BRIP1: variants seen among roughly 807,000 people sequenced by gnomAD.
The protein encoded by BRIP1 is Fanconi anemia group J protein.
Under a neutral mutation model 119.7 loss-of-function variants are expected in BRIP1, and 88 were observed. That is an observed-to-expected ratio of 0.74 (90% confidence interval 0.62 to 0.88). The LOEUF is 0.88. Among genes scored for constraint, BRIP1 ranks in the 40% least tolerant of loss-of-function variants. The probability of loss-of-function intolerance (pLI) is 0.00; values close to 1 mark genes in which losing one functional copy is unlikely to be tolerated. For missense variants in BRIP1, 1,259 were observed against 1,455.4 expected (o/e 0.87, Z 2.20); for synonymous variants, 443 against 496.5 (o/e 0.89, Z 1.43).
At chr17:61,737,573 T>C (rs578168793) in intron 16 of BRIP1, among the ~76,000 whole-genome samples, 1 of 152,304 alleles carries the variant, frequency 6.6e-6, no homozygotes, top group East Asian at 1.9e-4. Flanking sequence ...ACTTAACTTT[T>C]ATATTCCATA....
rs1485289681 is a variant in BRIP1 at position 61,762,108 on chromosome 17, G to T, written c.2097+14293C>A. 6.6e-6 allele frequency among the ~76,000 whole-genome samples: 1 copy of T among 151,874 alleles called. No individual in the cohort carries two copies. The highest frequency in any genetic ancestry group is 1.5e-5 in the Non-Finnish European group (1 of 67,918). On this transcript the variant is annotated intron_variant, in intron 14 of 19. Coordinates refer to ENST00000259008, the MANE Select transcript of BRIP1 (RefSeq NM_032043.3). This position sits in a 1 kb window ranked among gnomAD's most constrained non-coding sequence, Gnocchi z 4.3. ...AGCACAGAAAGAAACCCATGTATGT[G>T]CTCAACTGATTTTCAACAAAGGTGC...
At position 61,752,308 on chromosome 17, in the gene BRIP1, T is replaced by C. The variant is rs989160707; in HGVS notation, c.2098-7717A>G. Among the ~76,000 whole-genome samples, 1 of 152,088 alleles carries C rather than the reference T, an allele frequency of 6.6e-6. No individual in the cohort carries two copies. Among genetic ancestry groups the C allele is most frequent in the Non-Finnish European group, 1.5e-5 (1 of 68,006 alleles). On this transcript the variant is annotated intron_variant, in intron 14 of 19. Transcript: ENST00000259008. The surrounding 1 kb of genome is among the most constrained non-coding windows in gnomAD (Gnocchi z 6.2). ...TACTAATATAGTAATCCAGAGATGG[T>C]GGTAGCTTGAATTAGAAAGAGTTAA...
Position 61,769,997 on chromosome 17 carries a change from G to T in BRIP1, c.2097+6404C>A, listed in dbSNP as rs946824493. 6.6e-6 allele frequency among the ~76,000 whole-genome samples: 1 copy of T among 152,092 alleles called. No homozygotes were observed. Among genetic ancestry groups the T allele is most frequent in the Non-Finnish European group, 1.5e-5 (1 of 68,014 alleles). On this transcript the variant is annotated intron_variant, in intron 14 of 19. Coordinates refer to ENST00000259008, the MANE Select transcript of BRIP1 (RefSeq NM_032043.3). This position sits in a 1 kb window ranked among gnomAD's most constrained non-coding sequence, Gnocchi z 4.9. ...AGCCAAGAAAAACCCTACTGTTTCG[G>T]GCAGGAGGAGGGAAAAAAACAACCA...
chr17:61,711,959 G>A (rs1325340998), intron 17 of BRIP1, among the ~76,000 whole-genome samples: 1 of 151,908 alleles, frequency 6.6e-6, no homozygotes, highest in East Asian at 1.9e-4. Flanking sequence ...AAATCTAGTT[G>A]TTGTAGTCTT....
chr17:61,683,124 CTG>C lies in BRIP1; in HGVS notation c.*170_*171del. ...CCAGCCTGGGCAACAGACCAAGACT[CTG>C]TCTCAAAAAAAAAAACCCAAAAACT... On this transcript the variant is annotated 3_prime_UTR_variant, in exon 20 of 20. Coordinates refer to ENST00000259008, the MANE Select transcript of BRIP1 (RefSeq NM_032043.3). The surrounding 1 kb of genome is among the most constrained non-coding windows in gnomAD (Gnocchi z 4.7). 7 of 758,286 alleles carry C rather than the reference CTG, an allele frequency of 9.2e-6. No individual in the cohort carries two copies. The highest frequency in any genetic ancestry group is 1.8e-5 in the African/African-American group (1 of 55,342). The allele number at this position is 758,286 out of a possible 1,614,324, so 47.0% of individuals were successfully genotyped here.
chr17:61,853,080 T>C lies in BRIP1; in HGVS notation c.380-3824A>G, dbSNP rs1276405021. ...ACAATACTGAAAACAACCCAATGCC[T>C]AACAACTGTAGAACAGATTAATAAA... On this transcript the variant is annotated intron_variant, in intron 4 of 19. Transcript: ENST00000259008. The surrounding 1 kb of genome is among the most constrained non-coding windows in gnomAD (Gnocchi z 4.3). 6.6e-6 allele frequency among the ~76,000 whole-genome samples: 1 copy of C among 152,144 alleles called. No individual in the cohort carries two copies. The highest frequency in any genetic ancestry group is 2.4e-5 in the African/African-American group (1 of 41,434).
Position 61,759,888 on chromosome 17 carries a change from G to GAAA in BRIP1, c.2098-15300_2098-15298dup, listed in dbSNP as rs34241703. 7.2e-6 allele frequency among the ~76,000 whole-genome samples: 1 copy of GAAA among 139,404 alleles called. No homozygotes were observed. Among genetic ancestry groups the GAAA allele is most frequent in the Non-Finnish European group, 1.6e-5 (1 of 64,020 alleles). 91.5% of individuals were successfully genotyped at this position (139,404 alleles called of 152,430 possible). ...GGGTTGCCACAAACCTTTAATTTAT[G>GAAA]AAAAAAAAAAAACCCAGAATATTTG... On this transcript the variant is annotated intron_variant, in intron 14 of 19. Coordinates refer to ENST00000259008, the MANE Select transcript of BRIP1 (RefSeq NM_032043.3). The surrounding 1 kb of genome is among the most constrained non-coding windows in gnomAD (Gnocchi z 4.9).
At position 61,693,371 on chromosome 17, in the gene BRIP1, C is replaced by G; in HGVS notation, c.2575+59G>C. ...AGAGCTCATGTTATGTGTTTTTCACCACAATAAAAATATGAAGATTGTTAC... is the reference window on the plus strand; with the variant it reads ...AGAGCTCATGTTATGTGTTTTTCACGACAATAAAAATATGAAGATTGTTAC... On this transcript the variant is annotated intron_variant, in intron 18 of 19. Transcript: ENST00000259008. This position sits in a 1 kb window ranked among gnomAD's most constrained non-coding sequence, Gnocchi z 4.2. 1 of 1,447,894 alleles carries G rather than the reference C, an allele frequency of 6.9e-7. No individual in the cohort carries two copies. Among genetic ancestry groups the G allele is most frequent in the East Asian group, 2.3e-5 (1 of 43,970 alleles). 89.7% of individuals were successfully genotyped at this position (1,447,894 alleles called of 1,614,324 possible).
intron 16 of BRIP1, among the ~76,000 whole-genome samples, chr17:61,723,991 G>C (rs187426919): frequency 1.6e-4 from 25 of 152,134 alleles, no homozygotes; most frequent in Admixed American, 1.6e-3. Context: ...AGCTGCTTGA[G>C]TTTGCAACCC....
At chr17:61,787,182 ATATAT>A (rs1393954406) in intron 10 of BRIP1, among the ~76,000 whole-genome samples, 23 of 92,160 alleles carry the variant, frequency 2.5e-4, no homozygotes, top group South Asian at 2.0e-3. Context: ...ATATATAAAA[ATATAT>A]TATATACTAT....
intron 14 of BRIP1, among the ~76,000 whole-genome samples, chr17:61,766,622 A>C (rs1193011567): frequency 6.6e-6 from 1 of 152,224 alleles, no homozygotes. Context: ...CTTAACATAC[A>C]AATTTAGTGC....
At position 61,853,397 on chromosome 17, in the gene BRIP1, TA is replaced by T. The variant is rs1272835807; in HGVS notation, c.379+3660del. Among the ~76,000 whole-genome samples the T allele has an allele frequency of 2.6e-5, 4 of 151,978 alleles. No individual in the cohort carries two copies. In the East Asian group the frequency reaches 5.8e-4, roughly 22 times the overall value. On this transcript the variant is annotated intron_variant, in intron 4 of 19. Coordinates refer to ENST00000259008, the MANE Select transcript of BRIP1 (RefSeq NM_032043.3). This position sits in a 1 kb window ranked among gnomAD's most constrained non-coding sequence, Gnocchi z 4.3. ...TGGTAATGTCTCTCTCTTTTTTTTT[TA>T]ATCTATGTAGTAGTTATGACAGTGA...
At chr17:61,837,737 T>C (rs927733712) in intron 6 of BRIP1, among the ~76,000 whole-genome samples, 1 of 152,154 alleles carries the variant, frequency 6.6e-6, no homozygotes, top group African/African-American at 2.4e-5. Context: ...ATTTTGACCA[T>C]GTGGAGACAG....
rs2061999195 is a variant in BRIP1, at chr17:61,722,606, T to C, written c.2380-6543A>G. ...AAGTTGACATCTACTTTGTCAGACA[T>C]AATAGCTTATGTGTTTTCAAAATTT... On this transcript the variant is annotated intron_variant, in intron 16 of 19. Coordinates refer to ENST00000259008, the MANE Select transcript of BRIP1 (RefSeq NM_032043.3). This position sits in a 1 kb window ranked among gnomAD's most constrained non-coding sequence, Gnocchi z 4.6. 6.6e-6 allele frequency among the ~76,000 whole-genome samples: 1 copy of C among 152,212 alleles called. No individual in the cohort carries two copies. The highest frequency in any genetic ancestry group is 2.1e-4 in the South Asian group (1 of 4,834).
chr17:61,782,107 C>G (rs1398395411), intron 11 of BRIP1, among the ~76,000 whole-genome samples: 1 of 151,688 alleles, frequency 6.6e-6, no homozygotes, highest in Non-Finnish European at 1.5e-5. Flanking sequence ...AAGGGGAGAC[C>G]GGGTGCGATG....
Position 61,825,649 on chromosome 17 carries a change from A to G in BRIP1, c.628-16892T>C, listed in dbSNP as rs1043386101. ...AATAAATAAATAAATAAATAAATAA[A>G]TAAATAAATAAATAAATAAAATAAC... is the stretch of plus-strand genomic sequence containing the variant. On this transcript the variant is annotated intron_variant, in intron 6 of 19. Coordinates refer to ENST00000259008, the MANE Select transcript of BRIP1 (RefSeq NM_032043.3). This position sits in a 1 kb window ranked among gnomAD's most constrained non-coding sequence, Gnocchi z 4.1. Among the ~76,000 whole-genome samples the G allele has an allele frequency of 2.0e-5, 3 of 150,766 alleles. No homozygotes were observed. Among genetic ancestry groups the G allele is most frequent in the Non-Finnish European group, 4.4e-5 (3 of 67,676 alleles).
rs1472514698 is a variant in BRIP1 at position 61,704,849 on chromosome 17, G to C, written c.2492+11102C>G. On this transcript the variant is annotated intron_variant, in intron 17 of 19. Coordinates refer to ENST00000259008, the MANE Select transcript of BRIP1 (RefSeq NM_032043.3). This position sits in a 1 kb window ranked among gnomAD's most constrained non-coding sequence, Gnocchi z 5.7. ...TTTTATTCCTGATATTAGTAACTGTGGCTTCTCTTTTTTTTCTTTGTTAAT... is the reference window on the plus strand; with the variant it reads ...TTTTATTCCTGATATTAGTAACTGTCGCTTCTCTTTTTTTTCTTTGTTAAT... Among the ~76,000 whole-genome samples the C allele has an allele frequency of 6.6e-6, 1 of 151,838 alleles. No homozygotes were observed. Among genetic ancestry groups the C allele is most frequent in the Admixed American group, 6.6e-5 (1 of 15,248 alleles).
rs2078504121 is a variant in BRIP1 at position 61,832,249 on chromosome 17, G to A, written c.627+14852C>T. 6.6e-6 allele frequency among the ~76,000 whole-genome samples: 1 copy of A among 152,038 alleles called. No individual in the cohort carries two copies. Among genetic ancestry groups the A allele is most frequent in the South Asian group, 2.1e-4 (1 of 4,828 alleles). ...TCAGAAAGACACAAGCAACTTAACT[G>A]GTTTCCCACTTGAGTACCAAAACAA... is the stretch of plus-strand genomic sequence containing the variant. On this transcript the variant is annotated intron_variant, in intron 6 of 19. Transcript: ENST00000259008. This position sits in a 1 kb window ranked among gnomAD's most constrained non-coding sequence, Gnocchi z 5.5.
intron 16 of BRIP1, among the ~76,000 whole-genome samples, chr17:61,731,981 C>CTTTTTTTTTTTTTTTTTTTTTT (rs71299809): frequency 4.3e-4 from 36 of 83,006 alleles, no homozygotes; most frequent in South Asian, 1.0e-3. Context: ...TTCTTTCTTT[C>CTTTTTTTTTTTTTTTTTTTTTT]TTTTTTTTTT....
Sources: gnomAD v4.1 joint callset for allele counts (sites outside exome capture counted in the v4.1 genomes callset) on GRCh38, gnomAD v4.1.1 for gene constraint, Gnocchi (gnomAD v3.1) non-coding constraint, MANE v1.5 for transcripts, NCBI Gene and HGNC (gene_info 2026-07-23, HGNC 2026-07-21) for gene names.